Variants in TNIK observed in about 807,000 individuals in gnomAD.
The protein encoded by TNIK is TRAF2 and NCK-interacting protein kinase.
In TNIK, 49 loss-of-function variants were observed where a neutral mutation model predicts 191.3. The ratio of observed to expected loss-of-function variants is 0.26; its 90% CI spans 0.20 to 0.32. The LOEUF is 0.32. Among genes scored for constraint, TNIK ranks in the 10% least tolerant of loss-of-function variants. The pLI is 1.00. For missense variants in TNIK, 1,155 were observed against 1,702.3 expected (o/e 0.68, Z 5.66); for synonymous variants, 594 against 600.9 (o/e 0.99, Z 0.17).
At chr3:171,304,718 G>C (rs9838695) in intron 2 of TNIK, among the ~76,000 whole-genome samples, 1 of 151,742 alleles carries the variant, frequency 6.6e-6, no homozygotes, top group Non-Finnish European at 1.5e-5. Flanking sequence ...TAGGGACATG[G>C]ATGAAGCTGG....
At chr3:171,289,120 C>T (rs1751391704) in intron 2 of TNIK, among the ~76,000 whole-genome samples, 1 of 152,074 alleles carries the variant, frequency 6.6e-6, no homozygotes, top group Non-Finnish European at 1.5e-5. Context: ...ACAAATAGCT[C>T]ATTAGCTCAA....
chr3:171,144,413 A>G (rs1167051657), intron 12 of TNIK, among the ~76,000 whole-genome samples: 1 of 151,898 alleles, frequency 6.6e-6, no homozygotes, highest in East Asian at 1.9e-4. Context: ...TTTTATTTTT[A>G]TTTTAAGATA....
chr3:171,138,447 C>T, intron 14 of TNIK, 68 bp from the exon 15 acceptor site: 2 of 1,403,990 alleles, frequency 1.4e-6, no homozygotes, highest in Non-Finnish European at 1.9e-6. Context: ...CGGCCAGTAC[C>T]AGATAAGCAT....
At chr3:171,090,376 AC>A (rs1396917497) in intron 23 of TNIK, among the ~76,000 whole-genome samples, 2 of 148,422 alleles carry the variant, frequency 1.3e-5, no homozygotes, top group African/African-American at 5.0e-5. Flanking sequence ...TCTGATACCT[AC>A]CCTCTCCCGA....
At chr3:171,434,815 C>A in intron 1 of TNIK, among the ~76,000 whole-genome samples, 1 of 152,098 alleles carries the variant, frequency 6.6e-6, no homozygotes, top group Non-Finnish European at 1.5e-5. Flanking sequence ...CAATGGCTAA[C>A]ATTTCCATTA....
At chr3:171,073,176 AG>A (rs1364759660) in intron 28 of TNIK, among the ~76,000 whole-genome samples, 37 of 152,312 alleles carry the variant, frequency 2.4e-4, no homozygotes, top group African/African-American at 8.9e-4. Flanking sequence ...TAACCAAAGA[AG>A]CATGTTACTG....
intron 1 of TNIK, among the ~76,000 whole-genome samples, chr3:171,452,745 CACACACACA>C (rs1728327755): frequency 6.6e-6 from 1 of 151,430 alleles, no homozygotes; most frequent in Non-Finnish European, 1.5e-5. Context: ...CACACACACA[CACACACACA>C]CACACACACA....
chr3:171,222,700 C>G (rs1030360159), intron 3 of TNIK, among the ~76,000 whole-genome samples: 2 of 152,126 alleles, frequency 1.3e-5, no homozygotes, highest in Admixed American at 1.3e-4. Flanking sequence ...TGGGAGAAGA[C>G]CACTTCCTTA....
Position 171,189,325 on chromosome 3 carries a change from T to C in TNIK, c.509-493A>G, listed in dbSNP as rs369701887. On this transcript the variant is annotated intron_variant, in intron 6 of 32. Coordinates refer to ENST00000436636, the MANE Select transcript of TNIK (RefSeq NM_015028.4). ...CACATTTTGTTTATCTGTTCACCTG[T>C]TGATGGGCACCTGGGTTGCTTCTAC... Among the ~76,000 whole-genome samples, 3 of 152,322 alleles carry C rather than the reference T, an allele frequency of 2.0e-5. No homozygotes were observed. In the East Asian group the frequency reaches 5.8e-4, roughly 29 times the overall value.
chr3:171,370,990 C>G (rs1223703440), intron 1 of TNIK, among the ~76,000 whole-genome samples: 1 of 151,962 alleles, frequency 6.6e-6, no homozygotes, highest in African/African-American at 2.4e-5. Flanking sequence ...ACTTCAGATT[C>G]AGAGAGACCT....
chr3:171,416,726 G>T (rs1039380580), intron 1 of TNIK, among the ~76,000 whole-genome samples: 1 of 152,092 alleles, frequency 6.6e-6, no homozygotes, highest in Non-Finnish European at 1.5e-5. Flanking sequence ...CCTCCACAGG[G>T]CATCTTTAAT....
intron 3 of TNIK, among the ~76,000 whole-genome samples, chr3:171,215,019 C>G (rs1741293761): frequency 6.6e-6 from 1 of 152,148 alleles, no homozygotes; most frequent in Non-Finnish European, 1.5e-5. Context: ...TTCTCTTCTC[C>G]TTGAACCTGG....
At chr3:171,380,385 A>G (rs900954006) in intron 1 of TNIK, among the ~76,000 whole-genome samples, 1 of 152,234 alleles carries the variant, frequency 6.6e-6, no homozygotes, top group African/African-American at 2.4e-5. Flanking sequence ...AGAGCTGGTT[A>G]CCTAAATAAT....
chr3:171,340,259 AT>A (rs1373394529), intron 2 of TNIK, among the ~76,000 whole-genome samples: 1 of 152,186 alleles, frequency 6.6e-6, no homozygotes, highest in Non-Finnish European at 1.5e-5. Flanking sequence ...TTTCATTTTC[AT>A]TTTTCTACAT....
At chr3:171,348,464 C>G (rs1165485806) in intron 2 of TNIK, among the ~76,000 whole-genome samples, 1 of 151,980 alleles carries the variant, frequency 6.6e-6, no homozygotes, top group Non-Finnish European at 1.5e-5. Flanking sequence ...TGGTTACAGG[C>G]CAACGAACGT....
intron 1 of TNIK, among the ~76,000 whole-genome samples, chr3:171,453,520 C>A (rs528627035): frequency 6.6e-6 from 1 of 152,240 alleles, no homozygotes; most frequent in Admixed American, 6.5e-5. Context: ...TGAATTGCCG[C>A]TGGTCTTAAC....
intron 28 of TNIK, among the ~76,000 whole-genome samples, chr3:171,074,409 G>A (rs1719626405): frequency 1.3e-5 from 2 of 151,988 alleles, no homozygotes; most frequent in Middle Eastern, 3.2e-3. Flanking sequence ...TGCGTATAAT[G>A]TTCGCAATTT....
intron 1 of TNIK, among the ~76,000 whole-genome samples, chr3:171,452,729 A>AACACACACACACACACAAAC (rs1447927451): frequency 8.4e-5 from 12 of 142,548 alleles, no homozygotes; most frequent in African/African-American, 3.1e-4. Flanking sequence ...ACACACTCCA[A>AACACACACACACACACAAAC]ACACACACAC....
intron 11 of TNIK, among the ~76,000 whole-genome samples, chr3:171,158,786 G>C (rs1733568961): frequency 6.6e-6 from 1 of 152,196 alleles, no homozygotes; most frequent in Non-Finnish European, 1.5e-5. Flanking sequence ...GACAGTGGCT[G>C]GGAGCTGAGG....
Sources: gnomAD v4.1 joint callset for allele counts (sites outside exome capture counted in the v4.1 genomes callset) on GRCh38, gnomAD v4.1.1 for gene constraint, MANE v1.5 for transcripts, NCBI Gene and HGNC (gene_info 2026-07-23, HGNC 2026-07-21) for gene names.